The following OCA2 variants were observed in gnomAD, a reference collection of about 807,000 sequenced individuals.
The protein encoded by OCA2 is OCA2 melanosomal transmembrane protein.
A neutral mutation model predicts 100.2 loss-of-function variants in OCA2; 77 were observed. The observed-to-expected ratio is 0.77, with a 90% CI of 0.64 to 0.93. OCA2 has a LOEUF of 0.93. Among genes scored for constraint, OCA2 ranks in the 40% least tolerant of loss-of-function variants. OCA2 has a pLI of 0.00. For synonymous variants in OCA2, 432 were observed against 439.2 expected, an observed-to-expected ratio of 0.98 and a Z score of 0.21; for missense variants, 1,062 against 1,089.1, an observed-to-expected ratio of 0.98 and a Z score of 0.35.
At chr15:27,769,841 T>C (rs73370384) in intron 23 of OCA2, among the ~76,000 whole-genome samples, 7,904 of 151,542 alleles carry the variant, frequency 0.052, 680 homozygotes, top group African/African-American at 0.18. Context: ...AGTGGACCCC[T>C]TGAGGCCTGC....
intron 18 of OCA2, among the ~76,000 whole-genome samples, chr15:27,946,700 G>C (rs996242295): frequency 6.6e-6 from 1 of 152,080 alleles, no homozygotes; most frequent in Non-Finnish European, 1.5e-5. Context: ...TTTCTCTGCC[G>C]TCCTCCTGCC....
At chr15:27,723,440 C>T in the OCA2 span, among the ~76,000 whole-genome samples, 1 of 152,082 alleles carries the variant, frequency 6.6e-6, no homozygotes, top group Non-Finnish European at 1.5e-5. Flanking sequence ...CCCCACAAAC[C>T]ACATCCTCAC....
At chr15:27,747,178 C>T in the OCA2 span, among the ~76,000 whole-genome samples, 1 of 152,298 alleles carries the variant, frequency 6.6e-6, no homozygotes, top group South Asian at 2.1e-4. Context: ...GAGGGGACTC[C>T]ACCCCAGCCT....
At chr15:27,979,868 GTTT>G (rs35266057) in intron 14 of OCA2, among the ~76,000 whole-genome samples, 6 of 108,002 alleles carry the variant, frequency 5.6e-5, no homozygotes, top group Middle Eastern at 5.1e-3. Flanking sequence ...CCCAGCTAGT[GTTT>G]TTTTTTTTTT....
At chr15:27,971,314 G>A (rs573240476) in intron 14 of OCA2, among the ~76,000 whole-genome samples, 2 of 152,302 alleles carry the variant, frequency 1.3e-5, no homozygotes, top group South Asian at 4.1e-4. Flanking sequence ...CAGAAGCATA[G>A]GGGCACGCTT....
intron 19 of OCA2, among the ~76,000 whole-genome samples, chr15:27,889,766 G>T (rs1595582526): frequency 6.6e-6 from 1 of 152,212 alleles, no homozygotes; most frequent in South Asian, 2.1e-4. Context: ...CCATTTTGAT[G>T]TACCTGTTTG....
intron 23 of OCA2, among the ~76,000 whole-genome samples, chr15:27,800,048 A>C (rs1043764590): frequency 2.0e-5 from 3 of 152,222 alleles, no homozygotes; most frequent in African/African-American, 7.2e-5. Context: ...AATAGCAGAA[A>C]AATCCCTGGA....
chr15:27,799,550 A>C (rs547561339), intron 23 of OCA2, among the ~76,000 whole-genome samples: 40 of 152,122 alleles, frequency 2.6e-4, no homozygotes, highest in African/African-American at 8.2e-4. Context: ...CTCGAGACCA[A>C]CCTGGCCAAC....
chr15:28,047,454 A>T (rs2141526808), intron 2 of OCA2, among the ~76,000 whole-genome samples: 1 of 152,298 alleles, frequency 6.6e-6, no homozygotes, highest in Non-Finnish European at 1.5e-5. Flanking sequence ...AGACATACAG[A>T]CAGACCTCAT....
At chr15:27,746,243 G>A in the OCA2 span, among the ~76,000 whole-genome samples, 1 of 152,150 alleles carries the variant, frequency 6.6e-6, no homozygotes, top group Non-Finnish European at 1.5e-5. Flanking sequence ...GGATCACGGG[G>A]TCAGGAGTTC....
chr15:27,991,886 T>A (rs2041566687), intron 9 of OCA2, among the ~76,000 whole-genome samples: 1 of 152,190 alleles, frequency 6.6e-6, no homozygotes, highest in Non-Finnish European at 1.5e-5. Flanking sequence ...TTACCTGAAA[T>A]GCAAATTCTG....
chr15:27,833,236 C>CTA (rs1218558084), intron 23 of OCA2, among the ~76,000 whole-genome samples: 1 of 152,144 alleles, frequency 6.6e-6, no homozygotes, highest in Non-Finnish European at 1.5e-5. Flanking sequence ...ATAGCATATC[C>CTA]TATAGAGGAA....
chr15:27,930,744 A>C (rs2039220425), intron 18 of OCA2, among the ~76,000 whole-genome samples: 1 of 151,568 alleles, frequency 6.6e-6, no homozygotes, highest in African/African-American at 2.4e-5. Flanking sequence ...CAAGAGGCTC[A>C]AGGAGCTCCT....
intron 23 of OCA2, among the ~76,000 whole-genome samples, chr15:27,762,298 A>T (rs2030902866): frequency 1.3e-5 from 2 of 152,160 alleles, no homozygotes. Context: ...TTTTCCATAC[A>T]TGCCCATTGA....
intron 17 of OCA2, among the ~76,000 whole-genome samples, chr15:27,952,259 C>T (rs767255778): frequency 1.1e-4 from 17 of 152,334 alleles, no homozygotes; most frequent in South Asian, 2.1e-4. Flanking sequence ...AGCCTTCTCA[C>T]GGAACTGTGA....
chr15:28,060,114 C>G (rs1225799183), intron 2 of OCA2, among the ~76,000 whole-genome samples: 1 of 152,224 alleles, frequency 6.6e-6, no homozygotes, highest in African/African-American at 2.4e-5. Context: ...GCTGCAGTCT[C>G]ATGTTTCACC....
chr15:27,993,068 G>A (rs2141036115), intron 9 of OCA2, among the ~76,000 whole-genome samples: 1 of 152,316 alleles, frequency 6.6e-6, no homozygotes. Flanking sequence ...AGCCTGCAGT[G>A]AGCCAAGATT....
chr15:27,751,471 C>T (rs2030062533), downstream of OCA2, among the ~76,000 whole-genome samples: 1 of 152,128 alleles, frequency 6.6e-6, no homozygotes. Context: ...TTGTACCAAT[C>T]ATCAAAAACA....
At chr15:28,020,938 G>T (rs1433853737) in intron 6 of OCA2, among the ~76,000 whole-genome samples, 1 of 152,058 alleles carries the variant, frequency 6.6e-6, no homozygotes, top group Non-Finnish European at 1.5e-5. Context: ...TAAGGAGAGG[G>T]TGTCCTGGGA....
Sources: allele counts gnomAD v4.1 joint callset (sites outside exome capture counted in the v4.1 genomes callset), GRCh38; gene constraint gnomAD v4.1.1; transcripts MANE v1.5; gene names NCBI Gene and HGNC (gene_info 2026-07-23, HGNC 2026-07-21).